Variants in DOCK4 observed in about 807,000 individuals in gnomAD.
DOCK4 encodes the protein dedicator of cytokinesis 4.
A neutral mutation model predicts 268.1 loss-of-function variants in DOCK4; 97 were observed. The ratio of observed to expected loss-of-function variants is 0.36; its 90% confidence interval spans 0.31 to 0.43. The LOEUF is 0.43. Ranked by LOEUF, DOCK4 falls within the 20% of genes least tolerant of loss-of-function variation. The pLI is 1.00. For missense variants in DOCK4, 2,145 were observed against 2,455.7 expected, an observed-to-expected ratio of 0.87 and a Z score of 2.67; for synonymous variants, 954 against 887.2, an observed-to-expected ratio of 1.08 and a Z score of -1.34.
intron 1 of DOCK4, among the ~76,000 whole-genome samples, chr7:112,082,992 T>C (rs938539077): frequency 2.4e-4 from 37 of 152,292 alleles, no homozygotes; most frequent in African/African-American, 7.9e-4. Context: ...CTGGGTCTAC[T>C]TTTTGAATAG....
At chr7:112,006,537 C>T (rs1393385988) in intron 1 of DOCK4, among the ~76,000 whole-genome samples, 1 of 152,194 alleles carries the variant, frequency 6.6e-6, no homozygotes, top group East Asian at 1.9e-4. Context: ...TCTGATTTGA[C>T]TATTCAGCTA....
At chr7:111,741,747 A>T (rs543256843) in intron 45 of DOCK4, 86 bp from the exon 46 acceptor site, 33 of 1,481,524 alleles carry the variant, frequency 2.2e-5, no homozygotes, top group Non-Finnish European at 2.9e-5. Flanking sequence ...CTAGGCACAC[A>T]TCCTAATTGC....
intron 1 of DOCK4, among the ~76,000 whole-genome samples, chr7:112,068,644 C>T (rs1359137027): frequency 6.6e-6 from 1 of 152,138 alleles, no homozygotes; most frequent in Non-Finnish European, 1.5e-5. Flanking sequence ...ATAAGGCAAC[C>T]TAAAGAGCAA....
At position 112,066,690 on chromosome 7, in the gene DOCK4, CATATATATATATATAT is replaced by C. The variant is rs751631282; in HGVS notation, c.38-62575_38-62560del. Among the ~76,000 whole-genome samples the C allele has an allele frequency of 4.0e-3, 84 of 20,998 alleles. 1 individual carries two copies. Among genetic ancestry groups the C allele is most frequent in the Middle Eastern group, 0.031 (1 of 32 alleles). 13.8% of individuals were successfully genotyped at this position (20,998 alleles called of 152,430 possible). On this transcript the variant is annotated intron_variant, in intron 1 of 52. Coordinates refer to ENST00000428084, the MANE Select transcript of DOCK4 (RefSeq NM_001363540.2). ...ATATACATATACATATATACATATA[CATATATATATATATAT>C]ATATATATATATATATATATATATA...
At chr7:112,024,186 A>T (rs1343715169) in intron 1 of DOCK4, among the ~76,000 whole-genome samples, 1 of 152,214 alleles carries the variant, frequency 6.6e-6, no homozygotes, top group Non-Finnish European at 1.5e-5. Flanking sequence ...AATGTGCCTT[A>T]AAAATGTAAT....
chr7:112,118,297 T>C (rs1812366949), intron 1 of DOCK4, among the ~76,000 whole-genome samples: 1 of 152,178 alleles, frequency 6.6e-6, no homozygotes, highest in Non-Finnish European at 1.5e-5. Context: ...TCTTGTATTT[T>C]AGAGAATTTA....
chr7:111,871,298 G>C (rs891564809), intron 20 of DOCK4, among the ~76,000 whole-genome samples: 4 of 152,212 alleles, frequency 2.6e-5, no homozygotes, highest in Admixed American at 2.0e-4. Context: ...TATTTAAGCA[G>C]TTATTTGTCG....
chr7:111,913,500 C>T (rs1003105649), intron 13 of DOCK4, among the ~76,000 whole-genome samples: 3 of 151,152 alleles, frequency 2.0e-5, no homozygotes, highest in African/African-American at 7.3e-5. Context: ...AGCTCCACCT[C>T]CCGGGTTCAC....
intron 1 of DOCK4, among the ~76,000 whole-genome samples, chr7:112,053,491 T>C (rs1187535470): frequency 1.3e-5 from 2 of 152,198 alleles, no homozygotes; most frequent in Non-Finnish European, 2.9e-5. Context: ...AGTAACTCTG[T>C]CCATTCACAT....
intron 1 of DOCK4, among the ~76,000 whole-genome samples, chr7:112,125,748 C>A (rs1004244816): frequency 6.6e-6 from 1 of 152,146 alleles, no homozygotes; most frequent in South Asian, 2.1e-4. Context: ...TCATACTTAA[C>A]AAGCATGGCA....
rs115725193 is a variant in DOCK4 at position 111,861,158 on chromosome 7, C to T, written c.2473+2214G>A. ...CCTGCACAGTACCTGTTCCCAACCC[C>T]GGAGAGATTCCTGAGTCACTGCACA... On this transcript the variant is annotated intron_variant, in intron 23 of 52. Transcript: ENST00000428084. Among the ~76,000 whole-genome samples the T allele has an allele frequency of 7.7e-3, 1,173 of 152,156 alleles. 17 individuals carry two copies. The highest frequency in any genetic ancestry group is 0.027 in the African/African-American group (1,129 of 41,488).
intron 1 of DOCK4, among the ~76,000 whole-genome samples, chr7:112,128,314 C>A (rs979750949): frequency 3.3e-5 from 5 of 152,076 alleles, no homozygotes. Context: ...GCCCCCTGCC[C>A]GGCCAGCCGC....
intron 16 of DOCK4, among the ~76,000 whole-genome samples, chr7:111,885,354 A>G (rs1395190977): frequency 6.6e-6 from 1 of 152,142 alleles, no homozygotes; most frequent in Admixed American, 6.5e-5. Flanking sequence ...TACTTGTAAA[A>G]CCACAGTTTA....
chr7:111,784,264 C>A, intron 32 of DOCK4, 141 bp from the exon 33 acceptor site: 1 of 966,542 alleles, frequency 1.0e-6, no homozygotes, highest in Non-Finnish European at 1.6e-6. Flanking sequence ...TTCTCCCTTA[C>A]ACTAACAGAG....
At chr7:111,931,982 T>A (rs1382874594) in intron 12 of DOCK4, among the ~76,000 whole-genome samples, 4 of 152,198 alleles carry the variant, frequency 2.6e-5, no homozygotes, top group Non-Finnish European at 5.9e-5. Context: ...GAGGGAAATG[T>A]GTGGTTTGGT....
At position 111,988,902 on chromosome 7, in the gene DOCK4, A is replaced by G. The variant is rs908266691; in HGVS notation, c.464+113T>C. On this transcript the variant is annotated intron_variant, in intron 6 of 52. Transcript: ENST00000428084. Reference sequence around the variant, plus strand: ...CACTAAGCCTCCAAAAACAGGAAACATGAAAAAGCCCATAGGATTGCTTCC... The same window carrying G: ...CACTAAGCCTCCAAAAACAGGAAACGTGAAAAAGCCCATAGGATTGCTTCC... 3 of 1,421,172 alleles carry G rather than the reference A, an allele frequency of 2.1e-6. No individual in the cohort carries two copies. The African/African-American group carries it at 4.3e-5, about 20-fold the overall frequency. The allele number at this position is 1,421,172 out of a possible 1,614,324, so 88.0% of individuals were successfully genotyped here.
intron 13 of DOCK4, among the ~76,000 whole-genome samples, chr7:111,907,552 G>A (rs1004180723): frequency 1.3e-5 from 2 of 152,078 alleles, no homozygotes; most frequent in Non-Finnish European, 1.5e-5. Flanking sequence ...ACTTCAGGGT[G>A]ACACATTAGA....
chr7:112,003,953 C>G, intron 2 of DOCK4, 95 bp downstream of exon 2: 1 of 908,450 alleles, frequency 1.1e-6, no homozygotes, highest in Non-Finnish European at 1.6e-6. Context: ...GTGGTGACTA[C>G]TGGAAAAGTT....
chr7:111,801,562 T>C (rs1800283554), intron 30 of DOCK4: 2 of 152,186 alleles, frequency 1.3e-5, no homozygotes, highest in Non-Finnish European at 2.9e-5. Context: ...GGCTCATAAA[T>C]CCTTTTGCAT....
Sources: gnomAD v4.1 joint callset for allele counts (sites outside exome capture counted in the v4.1 genomes callset) on GRCh38, gnomAD v4.1.1 for gene constraint, MANE v1.5 for transcripts, NCBI Gene and HGNC (gene_info 2026-07-23, HGNC 2026-07-21) for gene names.